Variants in TFAP2C observed in about 807,000 individuals in gnomAD.
The protein encoded by TFAP2C is activating enhancer-binding protein 2 gamma.
In TFAP2C, 9 loss-of-function variants were observed where a neutral mutation model predicts 42.9. The observed-to-expected ratio is 0.21, with a 90% CI of 0.13 to 0.37. The LOEUF is 0.37. Among genes scored for constraint, TFAP2C ranks in the 10% least tolerant of loss-of-function variants. The probability of loss-of-function intolerance (pLI) is 1.00; values close to 1 mark genes in which losing one functional copy is unlikely to be tolerated. For missense variants in TFAP2C, 462 were observed against 591.7 expected (o/e 0.78, Z 2.27); for synonymous variants, 264 against 256.0 (o/e 1.03, Z -0.30).
chr20:56,631,370 T>C lies in TFAP2C; in HGVS notation c.214T>C (p.Ser72Pro). The change falls in exon 2 of 7, where the codon TCG becomes CCG. Residue 72 changes from serine to proline, a missense_variant. Physicochemically the swap from Ser to Pro is moderately conservative, Grantham distance 74. Transcript: ENST00000201031. This position sits in a 1 kb window ranked among gnomAD's most constrained non-coding sequence, Gnocchi z 6.1. Reference sequence around the variant, plus strand: ...CTACCAGCAGCTGGCCTACTCCCAGTCGGCCGACCCCTACTCGCATCTGGG... The same window carrying C: ...CTACCAGCAGCTGGCCTACTCCCAGCCGGCCGACCCCTACTCGCATCTGGG... ...PPYQQLAYSQ[S>P]ADPYSHLGEA... 1 of 1,611,100 alleles carries C rather than the reference T, an allele frequency of 6.2e-7. No homozygotes were observed. Among genetic ancestry groups the C allele is most frequent in the Non-Finnish European group, 8.5e-7 (1 of 1,179,050 alleles).
At chr20:56,632,060 T>C (rs1015342478) in intron 3 of TFAP2C, among the ~76,000 whole-genome samples, 2 of 152,104 alleles carry the variant, frequency 1.3e-5, no homozygotes, top group East Asian at 3.9e-4. Context: ...ATCTCCGGAG[T>C]TGTTACTGCC....
Position 56,631,470 on chromosome 20 carries a change from G to A in TFAP2C, c.314G>A (p.Gly105Asp), listed in dbSNP as rs1055514384. ...GGCAGCCAGCAGCAGGCCTGGCCCGGCCGCCAGAGCCAGGAGGGAGCGGGG... is the reference window on the plus strand; with the variant it reads ...GGCAGCCAGCAGCAGGCCTGGCCCGACCGCCAGAGCCAGGAGGGAGCGGGG... The part of the protein sequence containing the change: ...PTGSQQQAWP[G>D]RQSQEGAGLP... The change falls in exon 2 of 7, where the codon GGC (glycine) becomes GAC (aspartate). Residue 105 changes from glycine to aspartate, a missense_variant. Transcript: ENST00000201031. The surrounding 1 kb of genome is among the most constrained non-coding windows in gnomAD (Gnocchi z 6.1). The A allele has an allele frequency of 2.0e-6, 3 of 1,535,252 alleles. No individual in the cohort carries two copies. The Admixed American group carries it at 6.1e-5, about 31-fold the overall frequency.
Position 56,631,621 on chromosome 20 carries a change from C to G in TFAP2C, c.465C>G (p.Ala155=), listed in dbSNP as rs776275166. The G allele has an allele frequency of 6.8e-5, 107 of 1,573,424 alleles. No homozygotes were observed. Among genetic ancestry groups the G allele is most frequent in the Non-Finnish European group, 8.7e-5 (102 of 1,166,736 alleles). Reference sequence around the variant, plus strand: ...ACCTGCTGCTGCCCCACGCACACGCCCTGGATGCCGCGGGCCTGGCCGAGA... The same window carrying G: ...ACCTGCTGCTGCCCCACGCACACGCGCTGGATGCCGCGGGCCTGGCCGAGA... ...RSDLLLPHAH[A]LDAAGLAENL... Residue 155 remains alanine, a synonymous_variant, in exon 2 of 7, where the codon GCC becomes GCG. Transcript: ENST00000201031. The surrounding 1 kb of genome is among the most constrained non-coding windows in gnomAD (Gnocchi z 6.1).
rs546673064 is a variant in TFAP2C, at chr20:56,630,575, C to T, written c.49-630C>T. Reference sequence around the variant, plus strand: ...ACTTATTACTCCCCTCGGCTGGGCCCGGCCAGCAGGGAGGGCCGCCCTGTG... The same window carrying T: ...ACTTATTACTCCCCTCGGCTGGGCCTGGCCAGCAGGGAGGGCCGCCCTGTG... On this transcript the variant is annotated intron_variant, in intron 1 of 6. Transcript: ENST00000201031. The surrounding 1 kb of genome is among the most constrained non-coding windows in gnomAD (Gnocchi z 5.1). Among the ~76,000 whole-genome samples the T allele has an allele frequency of 1.3e-5, 2 of 152,158 alleles. No homozygotes were observed. The highest frequency in any genetic ancestry group is 1.3e-4 in the Admixed American group (2 of 15,290).
rs370112218 is a variant in TFAP2C, at chr20:56,631,435, G to A, written c.279G>A (p.Pro93=). 37 of 1,584,572 alleles carry A rather than the reference G, an allele frequency of 2.3e-5. No homozygotes were observed. In the African/African-American group the frequency reaches 3.4e-4, roughly 15 times the overall value. The change falls in exon 2 of 7, where the codon CCG becomes CCA. Residue 93 remains proline (P), a synonymous_variant. Transcript: ENST00000201031. The surrounding 1 kb of genome is among the most constrained non-coding windows in gnomAD (Gnocchi z 6.1). ...CCGCCATCAACCCCCTGCACCAGCC[G>A]GCGCCCACAGGCAGCCAGCAGCAGG... is the stretch of plus-strand genomic sequence containing the variant. The part of the protein sequence containing the change: ...YAAAINPLHQ[P]APTGSQQQAW...
chr20:56,629,721 C>A lies in TFAP2C; in HGVS notation c.48+129C>A. 1.6e-6 allele frequency: 1 copy of A among 615,428 alleles called. No individual in the cohort carries two copies. The highest frequency in any genetic ancestry group is 2.4e-6 in the Non-Finnish European group (1 of 411,264). 38.1% of individuals were successfully genotyped at this position (615,428 alleles called of 1,614,324 possible). ...CTCGGTGGGACGGGATCCACTTCTC[C>A]GGACACCCCTTAGTCCATTTCTGCG... On this transcript the variant is annotated intron_variant, in intron 1 of 6. Transcript: ENST00000201031. The surrounding 1 kb of genome is among the most constrained non-coding windows in gnomAD (Gnocchi z 5.9).
chr20:56,637,918 C>T lies in TFAP2C; in HGVS notation c.1258C>T (p.Leu420=). The change falls in exon 7 of 7, where the codon CTG becomes TTG. Residue 420 remains leucine (L), a synonymous_variant. Transcript: ENST00000201031. The part of the protein sequence containing the change: ...SALQNYIKEA[L]IVIDKSYMNP... ...CCTGCAGAACTACATCAAAGAAGCC[C>T]TGATTGTCATAGACAAATCCTACAT... The T allele has an allele frequency of 1.2e-6, 2 of 1,612,024 alleles. No individual in the cohort carries two copies. The highest frequency in any genetic ancestry group is 1.7e-6 in the Non-Finnish European group (2 of 1,178,068).
Position 56,638,067 on chromosome 20 carries a change from CCTT to C in TFAP2C, c.*57_*59del. On this transcript the variant is annotated 3_prime_UTR_variant, in exon 7 of 7. Coordinates refer to ENST00000201031, the MANE Select transcript of TFAP2C (RefSeq NM_003222.4). ...AGGGAAGGAACAGGACTGCAAAAAT[CCTT>C]CTCCACCGCACAGACTGGGAACCCC... The C allele has an allele frequency of 2.0e-6, 3 of 1,513,542 alleles. No individual in the cohort carries two copies. Among genetic ancestry groups the C allele is most frequent in the Non-Finnish European group, 8.9e-7 (1 of 1,117,500 alleles). 93.8% of individuals were successfully genotyped at this position (1,513,542 alleles called of 1,614,324 possible). A position where few individuals can be genotyped will look rare whatever the true frequency, so the allele number is the denominator to read the frequency against.
chr20:56,631,562 G>A lies in TFAP2C; in HGVS notation c.406G>A (p.Val136Met). 1 of 1,531,060 alleles carries A rather than the reference G, an allele frequency of 6.5e-7. No homozygotes were observed. Among genetic ancestry groups the A allele is most frequent in the Non-Finnish European group, 8.7e-7 (1 of 1,145,802 alleles). 94.8% of individuals were successfully genotyped at this position (1,531,060 alleles called of 1,614,324 possible). A position where few individuals can be genotyped will look rare whatever the true frequency, so the allele number is the denominator to read the frequency against. ...PHLSGLEAGA[V>M]SARRDAYRRS... The stretch of plus-strand genomic sequence containing the variant: ...CCTCTCCGGGCTGGAGGCGGGCGCG[G>A]TGAGCGCCCGCAGGGATGCCTACCG... The change falls in exon 2 of 7, where the codon GTG (valine) becomes ATG (methionine). Residue 136 changes from valine (V) to methionine (M), a missense_variant. Physicochemically the swap from Val to Met is conservative, Grantham distance 21 (BLOSUM62 1). This residue lies in a region of TFAP2C where 271 missense variants were observed against 269.7 expected (regional missense o/e 1.00). Transcript: ENST00000201031. The surrounding 1 kb of genome is among the most constrained non-coding windows in gnomAD (Gnocchi z 6.1).
Position 56,630,621 on chromosome 20 carries a change from C to T in TFAP2C, c.49-584C>T. 2 of 936,382 alleles carry T rather than the reference C, an allele frequency of 2.1e-6. No homozygotes were observed. Among genetic ancestry groups the T allele is most frequent in the Non-Finnish European group, 2.5e-6 (2 of 785,038 alleles). 58.0% of individuals were successfully genotyped at this position (936,382 alleles called of 1,614,324 possible). A position where few individuals can be genotyped will look rare whatever the true frequency, so the allele number is the denominator to read the frequency against. On this transcript the variant is annotated intron_variant, in intron 1 of 6. Coordinates refer to ENST00000201031, the MANE Select transcript of TFAP2C (RefSeq NM_003222.4). This position sits in a 1 kb window ranked among gnomAD's most constrained non-coding sequence, Gnocchi z 5.1. ...CTGTGCGCGCGCTCCCTCTTCACTT[C>T]CCAGGGCGGCGCAGGGTGGCGGGCC...
rs1296061040 is a variant in TFAP2C at position 56,638,428 on chromosome 20, G to T, written c.*415G>T. ...GATCAACAATACCTTTTTTTTCAGT[G>T]TTAAGGTAATGGTTGGTTTTTGTGT... On this transcript the variant is annotated 3_prime_UTR_variant, in exon 7 of 7. Transcript: ENST00000201031. 6.1e-6 allele frequency: 1 copy of T among 163,194 alleles called. No individual in the cohort carries two copies. Among genetic ancestry groups the T allele is most frequent in the Admixed American group, 5.8e-5 (1 of 17,386 alleles). 10.1% of individuals were successfully genotyped at this position (163,194 alleles called of 1,614,324 possible).
chr20:56,633,309 C>T (rs1338437682), intron 3 of TFAP2C, 44 bp from the exon 4 acceptor site: 8 of 1,521,626 alleles, frequency 5.3e-6, no homozygotes, highest in Non-Finnish European at 7.2e-6. Flanking sequence ...CTCTTTTGCT[C>T]AGAGAGAGCT....
Position 56,629,570 on chromosome 20 carries a change from T to G in TFAP2C, c.26T>G (p.Val9Gly), listed in dbSNP as rs751735143. 1 of 1,426,154 alleles carries G rather than the reference T, an allele frequency of 7.0e-7. No homozygotes were observed. Among genetic ancestry groups the G allele is most frequent in the Non-Finnish European group, 9.2e-7 (1 of 1,088,060 alleles). The allele number at this position is 1,426,154 out of a possible 1,614,324, so 88.3% of individuals were successfully genotyped here. A position where few individuals can be genotyped will look rare whatever the true frequency, so the allele number is the denominator to read the frequency against. MLWKITDN[V>G]KYEEDCEDRH... The stretch of plus-strand genomic sequence containing the variant: ...ATGTTGTGGAAAATAACCGATAATG[T>G]CAAGTACGAAGAGGACTGCGAGGTG... Residue 9 changes from valine to glycine, a missense_variant, in exon 1 of 7, where the codon GTC (valine) becomes GGC (glycine). Physicochemically the swap from Val to Gly is moderately radical, Grantham distance 109. This residue lies in a region of TFAP2C where 271 missense variants were observed against 269.7 expected (regional missense o/e 1.00). Transcript: ENST00000201031. The surrounding 1 kb of genome is among the most constrained non-coding windows in gnomAD (Gnocchi z 5.9).
At position 56,631,714 on chromosome 20, in the gene TFAP2C, C is replaced by CCCCTA. The variant is rs1237737783; in HGVS notation, c.534+25_534+26insCCTAC. 6.2e-7 allele frequency: 1 copy of CCCCTA among 1,604,772 alleles called. No homozygotes were observed. The highest frequency in any genetic ancestry group is 1.3e-5 in the African/African-American group (1 of 74,842). On this transcript the variant is annotated intron_variant, in intron 2 of 6. Transcript: ENST00000201031. This position sits in a 1 kb window ranked among gnomAD's most constrained non-coding sequence, Gnocchi z 6.1. ...AGGTGAGCGGCGCTGCGGCTCCTGACCGGACCTGTTCACCCTACGGCCTTC... is the reference window on the plus strand; with the variant it reads ...AGGTGAGCGGCGCTGCGGCTCCTGACCCCTACGGACCTGTTCACCCTACGGCCTTC...
Position 56,638,820 on chromosome 20 carries a change from C to G in TFAP2C, c.*807C>G, listed in dbSNP as rs1259722497. The stretch of plus-strand genomic sequence containing the variant: ...GTAGGCACGAAGCAATTTGTTGCTG[C>G]TTGTCACCCCCAAGTCCCCGTGGAG... On this transcript the variant is annotated 3_prime_UTR_variant, in exon 7 of 7. Coordinates refer to ENST00000201031, the MANE Select transcript of TFAP2C (RefSeq NM_003222.4). 6.6e-6 allele frequency: 1 copy of G among 152,480 alleles called. No individual in the cohort carries two copies. The highest frequency in any genetic ancestry group is 2.4e-5 in the African/African-American group (1 of 41,400). 9.4% of individuals were successfully genotyped at this position (152,480 alleles called of 1,614,324 possible).
At chr20:56,634,017 C>G in intron 4 of TFAP2C, 133 bp from the exon 5 acceptor site, 1 of 677,820 alleles carries the variant, frequency 1.5e-6, no homozygotes. Context: ...CATTATGGTT[C>G]ACGTGATGTA....
chr20:56,633,162 ACTCCAGC>A (rs1820689516), intron 3 of TFAP2C, among the ~76,000 whole-genome samples, 184 bp from the exon 4 acceptor site: 1 of 151,500 alleles, frequency 6.6e-6, no homozygotes, highest in Admixed American at 6.6e-5. Context: ...ACACCACTGC[ACTCCAGC>A]CTGGGCCACA....
Position 56,631,740 on chromosome 20 carries a change from T to C in TFAP2C, c.534+50T>C, listed in dbSNP as rs759956479. 7 of 1,612,468 alleles carry C rather than the reference T, an allele frequency of 4.3e-6. No homozygotes were observed. The African/African-American group carries it at 6.7e-5, about 15-fold the overall frequency. ...CGGACCTGTTCACCCTACGGCCTTC[T>C]GCCCCCACCCCGCACTCCTCTAGGC... On this transcript the variant is annotated intron_variant, in intron 2 of 6. Transcript: ENST00000201031. This position sits in a 1 kb window ranked among gnomAD's most constrained non-coding sequence, Gnocchi z 6.1.
chr20:56,634,737 G>A (rs796983528), intron 5 of TFAP2C, among the ~76,000 whole-genome samples: 3 of 152,188 alleles, frequency 2.0e-5, no homozygotes, highest in African/African-American at 7.2e-5. Flanking sequence ...TATACAATAC[G>A]ACTGGCCCGA....
Sources: gnomAD v4.1 joint callset for allele counts (sites outside exome capture counted in the v4.1 genomes callset) on GRCh38, gnomAD v4.1.1 for gene constraint, gnomAD v4.1.1 regional missense constraint, Gnocchi (gnomAD v3.1) non-coding constraint, MANE v1.5 for transcripts, NCBI Gene and HGNC (gene_info 2026-07-23, HGNC 2026-07-21) for gene names.